TNRC18: variants seen among roughly 807,000 people sequenced by gnomAD.
TNRC18 encodes trinucleotide repeat-containing gene 18 protein.
TNRC18 carries 69 observed loss-of-function variants against 226.7 expected under a neutral mutation model. That is an observed-to-expected ratio of 0.30 (90% CI 0.25 to 0.37). TNRC18 has a LOEUF of 0.37. Among genes scored for constraint, TNRC18 ranks in the 10% least tolerant of loss-of-function variants. The probability of loss-of-function intolerance (pLI) is 1.00; values close to 1 mark genes in which losing one functional copy is unlikely to be tolerated. For missense variants in TNRC18, 4,754 were observed against 4,256.6 expected (o/e 1.12, Z -3.25); for synonymous variants, 2,449 against 1,927.6 (o/e 1.27, Z -7.09).
chr7:5,412,334 G>C (rs544715598), intron 2 of TNRC18, among the ~76,000 whole-genome samples: 3 of 151,892 alleles, frequency 2.0e-5, no homozygotes, highest in Non-Finnish European at 4.4e-5. Flanking sequence ...CCAGCACTTT[G>C]GGAGGCCGAG....
rs532952873 is a variant in TNRC18, at chr7:5,350,695, C to A, written c.5470+1124G>T. 9.8e-5 allele frequency among the ~76,000 whole-genome samples: 15 copies of A among 152,330 alleles called. 1 individual carries two copies. The highest frequency in any genetic ancestry group is 3.1e-4 in the African/African-American group (13 of 41,580). On this transcript the variant is annotated intron_variant, in intron 17 of 29. Coordinates refer to ENST00000430969, the MANE Select transcript of TNRC18 (RefSeq NM_001080495.3). ...CTGGTTGAAGGGCCCAAAAGGCTCA[C>A]ACACATCTAACCCCAGAAGCACAAT...
Position 5,388,258 on chromosome 7 carries a change from C to T in TNRC18, c.1566G>A (p.Gln522=), listed in dbSNP as rs1003217936. Residue 522 remains glutamine (Q), a synonymous_variant, in exon 5 of 30, where the codon CAG becomes CAA. Coordinates refer to ENST00000430969, the MANE Select transcript of TNRC18 (RefSeq NM_001080495.3). Reference sequence around the variant, plus strand: ...GGTGCTGCGCGGCCAGCACGGCCATCTGCGTGGCGGCGAAGTTGCCCAGCT... The same window carrying T: ...GGTGCTGCGCGGCCAGCACGGCCATTTGCGTGGCGGCGAAGTTGCCCAGCT... ...PFELGNFAAT[Q]MAVLAAQHHH... The T allele has an allele frequency of 6.3e-7, 1 of 1,599,904 alleles. No individual in the cohort carries two copies.
chr7:5,400,022 T>C (rs1342282436), intron 2 of TNRC18, among the ~76,000 whole-genome samples: 1 of 152,082 alleles, frequency 6.6e-6, no homozygotes, highest in African/African-American at 2.4e-5. Flanking sequence ...CCTGAGTAGC[T>C]GGGACTGCAG....
chr7:5,361,577 C>G lies in TNRC18; in HGVS notation c.4661+17G>C, dbSNP rs763188003. Reference sequence around the variant, plus strand: ...AGCTGTGTGCCAGTCCCCGACCCACCGAGGGGCCAGCCTTACTTTCCGCTA... The same window carrying G: ...AGCTGTGTGCCAGTCCCCGACCCACGGAGGGGCCAGCCTTACTTTCCGCTA... On this transcript the variant is annotated intron_variant, in intron 14 of 29. Transcript: ENST00000430969. The G allele has an allele frequency of 4.0e-6, 6 of 1,495,654 alleles. No individual in the cohort carries two copies. Among genetic ancestry groups the G allele is most frequent in the Non-Finnish European group, 5.4e-6 (6 of 1,121,236 alleles). 92.6% of individuals were successfully genotyped at this position (1,495,654 alleles called of 1,614,324 possible).
In TNRC18 at chr7:5,370,967, G is replaced by A. The variant is rs375167982; in HGVS notation, c.3627C>T (p.Thr1209=). ...CAGAGGGCTCTGCGCAGCTCTGCCCGGTGGCACTCAGCGCCTGGGCCTCCA... is the reference window on the plus strand; with the variant it reads ...CAGAGGGCTCTGCGCAGCTCTGCCCAGTGGCACTCAGCGCCTGGGCCTCCA... The part of the protein sequence containing the change: ...GLLEAQALSA[T]GQSCAEPSEC... The change falls in exon 11 of 30, where the codon ACC becomes ACT. Residue 1209 remains threonine (T), a synonymous_variant. Coordinates refer to ENST00000430969, the MANE Select transcript of TNRC18 (RefSeq NM_001080495.3). 1.9e-5 allele frequency: 31 copies of A among 1,605,672 alleles called. No homozygotes were observed. The highest frequency in any genetic ancestry group is 9.3e-5 in the African/African-American group (7 of 75,044).
At chr7:5,395,109 G>A (rs1030424733) in intron 2 of TNRC18, among the ~76,000 whole-genome samples, 18 of 152,226 alleles carry the variant, frequency 1.2e-4, no homozygotes, top group African/African-American at 4.3e-4. Context: ...AGCCAGCCCC[G>A]TGTGCCCATT....
intron 17 of TNRC18, among the ~76,000 whole-genome samples, chr7:5,348,775 G>C (rs971917859): frequency 7.9e-5 from 12 of 152,232 alleles, no homozygotes; most frequent in Non-Finnish European, 1.5e-4. Flanking sequence ...CCAGGCAGGC[G>C]GGGGCAGGCA....
chr7:5,345,001 T>C (rs1791023005), intron 18 of TNRC18, among the ~76,000 whole-genome samples: 1 of 152,160 alleles, frequency 6.6e-6, no homozygotes. Flanking sequence ...AAAGAGAGCT[T>C]GGTGCCTGCC....
chr7:5,356,782 T>C, intron 16 of TNRC18, 134 bp downstream of exon 16: 2 of 1,284,748 alleles, frequency 1.6e-6, no homozygotes, highest in Non-Finnish European at 2.1e-6. Context: ...GCTCAGGCAC[T>C]GTAGTGCGCC....
intron 16 of TNRC18, among the ~76,000 whole-genome samples, chr7:5,352,655 T>C (rs1182955641): frequency 6.6e-6 from 1 of 152,266 alleles, no homozygotes; most frequent in Non-Finnish European, 1.5e-5. Flanking sequence ...CTTGCCCTTC[T>C]TTCTACGAGC....
intron 11 of TNRC18, among the ~76,000 whole-genome samples, chr7:5,364,723 G>A (rs1793442493): frequency 6.8e-6 from 1 of 147,244 alleles, no homozygotes; most frequent in Non-Finnish European, 1.5e-5. Context: ...AGAATCGCTT[G>A]AACCCAGGAG....
intron 5 of TNRC18, among the ~76,000 whole-genome samples, chr7:5,385,717 T>C (rs574779470): frequency 6.7e-6 from 1 of 150,104 alleles, no homozygotes; most frequent in Non-Finnish European, 1.5e-5. Context: ...CTCACACCTA[T>C]AATCCCAGAG....
chr7:5,418,418 C>A (rs1426459869), intron 2 of TNRC18, among the ~76,000 whole-genome samples: 1 of 152,220 alleles, frequency 6.6e-6, no homozygotes, highest in Non-Finnish European at 1.5e-5. Context: ...AGAGGACCTT[C>A]CACAGCAGAT....
chr7:5,382,328 C>G (rs1779454232), intron 5 of TNRC18, among the ~76,000 whole-genome samples: 1 of 152,156 alleles, frequency 6.6e-6, no homozygotes, highest in South Asian at 2.1e-4. Flanking sequence ...CGCCCAGAGG[C>G]CCAGCCCCAG....
At position 5,325,135 on chromosome 7, in the gene TNRC18, C is replaced by T; in HGVS notation, c.6261G>A (p.Arg2087=). The change falls in exon 20 of 30, where the codon AGG becomes AGA. Residue 2087 remains arginine, a synonymous_variant. Coordinates refer to ENST00000430969, the MANE Select transcript of TNRC18 (RefSeq NM_001080495.3). ...CCTTCCCTTTGGCCTTGGCTTTGCT[C>T]CTTTTGGCAGCGGTCAGGGAGCTGG... ...PHASSLTAAK[R]SKAKAKGKEV... The T allele has an allele frequency of 6.4e-7, 1 of 1,550,990 alleles. No individual in the cohort carries two copies. Among genetic ancestry groups the T allele is most frequent in the Non-Finnish European group, 8.7e-7 (1 of 1,147,404 alleles).
intron 10 of TNRC18, among the ~76,000 whole-genome samples, chr7:5,373,482 G>C (rs1316409716): frequency 6.6e-6 from 1 of 152,190 alleles, no homozygotes; most frequent in African/African-American, 2.4e-5. Flanking sequence ...GCCGGGCCAA[G>C]CTCAGTGATT....
chr7:5,398,021 G>T (rs1343372543), intron 2 of TNRC18, among the ~76,000 whole-genome samples: 14 of 152,020 alleles, frequency 9.2e-5, no homozygotes, highest in South Asian at 2.1e-4. Context: ...TAGAGACAGG[G>T]TCTCACTCTG....
At chr7:5,356,230 G>A (rs1402957164) in intron 16 of TNRC18, among the ~76,000 whole-genome samples, 1 of 151,648 alleles carries the variant, frequency 6.6e-6, no homozygotes, top group Non-Finnish European at 1.5e-5. Flanking sequence ...AGGTTCCAGT[G>A]GGTAGGTGGG....
chr7:5,338,216 G>A (rs1790312808), intron 18 of TNRC18, among the ~76,000 whole-genome samples: 1 of 151,890 alleles, frequency 6.6e-6, no homozygotes, highest in Non-Finnish European at 1.5e-5. Context: ...AAAGCTAACA[G>A]GAAAATTAAA....
Sources: allele counts gnomAD v4.1 joint callset (sites outside exome capture counted in the v4.1 genomes callset), GRCh38; gene constraint gnomAD v4.1.1; transcripts MANE v1.5; gene names NCBI Gene and HGNC (gene_info 2026-07-23, HGNC 2026-07-21).